CPEB4: variants seen among roughly 807,000 people sequenced by gnomAD.
CPEB4 encodes the protein cytoplasmic polyadenylation element binding protein 4.
Under a neutral mutation model 72.5 loss-of-function variants are expected in CPEB4, and 12 were observed. The observed-to-expected ratio is 0.17, with a 90% CI of 0.11 to 0.27. The LOEUF (loss-of-function observed/expected upper bound fraction) is 0.27, where lower values mean the gene tolerates loss of function less well. Ranked by LOEUF, CPEB4 falls within the 10% of genes least tolerant of loss-of-function variation. The probability of loss-of-function intolerance (pLI) is 1.00; values close to 1 mark genes in which losing one functional copy is unlikely to be tolerated. For synonymous variants in CPEB4, 302 were observed against 326.3 expected (o/e 0.93, Z 0.80); for missense variants, 614 against 908.5 (o/e 0.68, Z 4.17).
At chr5:173,905,926 C>T (rs1389616004) in intron 1 of CPEB4, among the ~76,000 whole-genome samples, 1 of 152,126 alleles carries the variant, frequency 6.6e-6, no homozygotes, top group Non-Finnish European at 1.5e-5. Context: ...GTATAAAGGA[C>T]GAAAGTGCCC....
At chr5:173,903,546 T>C (rs1481955697) in intron 1 of CPEB4, among the ~76,000 whole-genome samples, 1 of 152,220 alleles carries the variant, frequency 6.6e-6, no homozygotes, top group Admixed American at 6.5e-5. Context: ...ACTGTGGGGA[T>C]GGACCCAGTA....
rs1048396035 is a variant in CPEB4, at chr5:173,949,985, T to C, written c.1572T>C (p.Asp524=). 12 of 1,610,236 alleles carry C rather than the reference T, an allele frequency of 7.5e-6. No individual in the cohort carries two copies. Among genetic ancestry groups the C allele is most frequent in the Middle Eastern group, 1.6e-4 (1 of 6,074 alleles). Residue 524 remains aspartate, a synonymous_variant, in exon 7 of 10, where the codon GAT becomes GAC. Transcript: ENST00000265085. ...GCTATGCATTCCTGCTGTTTCAAGATGAAAGCTCTGTGCAGGCTCTCATTG... is the reference window on the plus strand; with the variant it reads ...GCTATGCATTCCTGCTGTTTCAAGACGAAAGCTCTGTGCAGGCTCTCATTG... ...PKGYAFLLFQ[D]ESSVQALIDA... is the part of the protein sequence containing the mutation.
intron 6 of CPEB4, 141 bp from the exon 7 acceptor site, chr5:173,949,819 A>T: frequency 1.4e-6 from 1 of 738,122 alleles, no homozygotes; most frequent in Non-Finnish European, 2.3e-6. Flanking sequence ...TGTTGATGTC[A>T]TCAGACTTTT....
At chr5:173,946,181 A>G (rs571668052) in intron 5 of CPEB4, among the ~76,000 whole-genome samples, 3 of 152,268 alleles carry the variant, frequency 2.0e-5, no homozygotes, top group African/African-American at 7.2e-5. Flanking sequence ...ATTGAAATAA[A>G]CATAGAGGTT....
chr5:173,907,872 C>G (rs1385291009), intron 1 of CPEB4, among the ~76,000 whole-genome samples: 2 of 152,180 alleles, frequency 1.3e-5, no homozygotes, highest in African/African-American at 4.8e-5. Flanking sequence ...ACTTGGCGCA[C>G]CATCACCCTG....
intron 2 of CPEB4, among the ~76,000 whole-genome samples, chr5:173,920,642 A>G (rs77499443): frequency 2.0e-5 from 3 of 152,278 alleles, no homozygotes; most frequent in Non-Finnish European, 2.9e-5. Flanking sequence ...CTAGACCTCA[A>G]TTTCCTCACC....
Position 173,900,853 on chromosome 5 carries a change from C to T in CPEB4, c.1126-9670C>T, listed in dbSNP as rs111435381. Reference sequence around the variant, plus strand: ...CTGCCCATATACCTTATCTCACTGGCTTTTCACTACAGATTTATAAGGGAG... The same window carrying T: ...CTGCCCATATACCTTATCTCACTGGTTTTTCACTACAGATTTATAAGGGAG... On this transcript the variant is annotated intron_variant, in intron 1 of 9. Coordinates refer to ENST00000265085, the MANE Select transcript of CPEB4 (RefSeq NM_030627.4). The surrounding 1 kb of genome is among the most constrained non-coding windows in gnomAD (Gnocchi z 4.4). 1.6e-3 allele frequency among the ~76,000 whole-genome samples: 243 copies of T among 152,240 alleles called. 2 individuals are homozygous for T. The highest frequency in any genetic ancestry group is 5.5e-3 in the African/African-American group (230 of 41,548).
intron 3 of CPEB4, among the ~76,000 whole-genome samples, chr5:173,937,626 A>G (rs181319662): frequency 6.6e-6 from 1 of 152,366 alleles, no homozygotes; most frequent in African/African-American, 2.4e-5. Context: ...ATTGTTGAAG[A>G]TCATACTCAG....
At chr5:173,897,127 A>C (rs1756045370) in intron 1 of CPEB4, among the ~76,000 whole-genome samples, 1 of 152,232 alleles carries the variant, frequency 6.6e-6, no homozygotes, top group Non-Finnish European at 1.5e-5. Context: ...TAAGCTATAG[A>C]TGCAACCCCA....
intron 3 of CPEB4, among the ~76,000 whole-genome samples, chr5:173,936,906 A>G (rs1757642856): frequency 6.6e-6 from 1 of 151,210 alleles, no homozygotes; most frequent in East Asian, 1.9e-4. Flanking sequence ...GGAGAAAGTT[A>G]TAGAGCAAAA....
chr5:173,932,533 C>A (rs1412271838), intron 3 of CPEB4, 33 bp downstream of exon 3: 2 of 1,533,360 alleles, frequency 1.3e-6, no homozygotes, highest in East Asian at 2.3e-5. Flanking sequence ...TAGTGAAGTG[C>A]ACAAAACTGA....
intron 2 of CPEB4, among the ~76,000 whole-genome samples, chr5:173,920,344 A>C (rs1463220371): frequency 4.6e-5 from 7 of 152,242 alleles, no homozygotes; most frequent in Non-Finnish European, 4.4e-5. Context: ...AGAAACCAAC[A>C]ATAAAGAGCA....
intron 2 of CPEB4, among the ~76,000 whole-genome samples, chr5:173,931,332 T>C (rs1450246854): frequency 6.6e-6 from 1 of 152,210 alleles, no homozygotes; most frequent in African/African-American, 2.4e-5. Flanking sequence ...CCTCTGTTTA[T>C]CCGTTATTCC....
At chr5:173,940,919 GTTTAA>G (rs1447213867) in intron 3 of CPEB4, among the ~76,000 whole-genome samples, 1 of 152,056 alleles carries the variant, frequency 6.6e-6, no homozygotes, top group African/African-American at 2.4e-5. Context: ...ATATTGACCA[GTTTAA>G]TTTTATAGTA....
intron 2 of CPEB4, among the ~76,000 whole-genome samples, chr5:173,911,777 C>T (rs1427766895): frequency 1.4e-5 from 2 of 138,258 alleles, no homozygotes; most frequent in African/African-American, 5.4e-5. Context: ...TTCATTCATT[C>T]ATTCATTCAT....
At chr5:173,923,895 C>T (rs1191234315) in intron 2 of CPEB4, among the ~76,000 whole-genome samples, 2 of 152,042 alleles carry the variant, frequency 1.3e-5, no homozygotes, top group Non-Finnish European at 2.9e-5. Context: ...ATAAAAATAG[C>T]CTTCCTGCTT....
chr5:173,934,048 G>GGT (rs891977848), intron 3 of CPEB4, among the ~76,000 whole-genome samples: 1 of 152,154 alleles, frequency 6.6e-6, no homozygotes, highest in Non-Finnish European at 1.5e-5. Context: ...AGCCAGGTGT[G>GGT]GTGGCACATG....
intron 5 of CPEB4, among the ~76,000 whole-genome samples, chr5:173,945,959 T>C (rs1561630477): frequency 6.6e-6 from 1 of 152,246 alleles, no homozygotes; most frequent in Non-Finnish European, 1.5e-5. Flanking sequence ...CTAATTTCTT[T>C]TGTCTTCGTT....
At chr5:173,948,248 T>C (rs1758100746) in intron 5 of CPEB4, among the ~76,000 whole-genome samples, 1 of 152,128 alleles carries the variant, frequency 6.6e-6, no homozygotes, top group African/African-American at 2.4e-5. Flanking sequence ...CATGCAGGAG[T>C]CTTCAATGGA....
Sources: allele counts gnomAD v4.1 joint callset (sites outside exome capture counted in the v4.1 genomes callset), GRCh38; gene constraint gnomAD v4.1.1; non-coding constraint Gnocchi (gnomAD v3.1); transcripts MANE v1.5; gene names NCBI Gene and HGNC (gene_info 2026-07-23, HGNC 2026-07-21).